Variants in SCGB2B2 observed in about 807,000 individuals in gnomAD.
SCGB2B2 encodes the protein secretoglobin family 2B member 2, also known as secretoglobin-like protein.
Under a neutral mutation model 7.6 loss-of-function variants are expected in SCGB2B2, and 11 were observed. The ratio of observed to expected loss-of-function variants is 1.45; its 90% confidence interval spans 0.91 to 2.40. The LOEUF (loss-of-function observed/expected upper bound fraction) is 2.40, where lower values mean the gene tolerates loss of function less well. Ranked by LOEUF, SCGB2B2 falls within the 30% of genes most tolerant of loss-of-function variation. The pLI is 0.00. For missense variants in SCGB2B2, 104 were observed against 115.4 expected, an observed-to-expected ratio of 0.90 and a Z score of 0.45; for synonymous variants, 50 against 48.6, an observed-to-expected ratio of 1.03 and a Z score of -0.12.
rs2065431223 is a variant in SCGB2B2, at chr19:34,595,713, C to T, written c.-1150G>A. ...TACAGGCACCCCACAAGCCCTTTTCCCAGCACCTACATATGAGGGAGCTGA... is the reference window on the plus strand; with the variant it reads ...TACAGGCACCCCACAAGCCCTTTTCTCAGCACCTACATATGAGGGAGCTGA... On this transcript the variant is annotated 5_prime_UTR_variant, in exon 2 of 4. Coordinates refer to ENST00000601241, the MANE Select transcript of SCGB2B2 (RefSeq NM_001025591.4). The T allele has an allele frequency of 6.6e-6, 1 of 152,196 alleles. No individual in the cohort carries two copies. 9.4% of individuals were successfully genotyped at this position (152,196 alleles called of 1,614,324 possible). A position where few individuals can be genotyped will look rare whatever the true frequency, so the allele number is the denominator to read the frequency against.
chr19:34,598,261 T>G (rs965648369), intron 1 of SCGB2B2, among the ~76,000 whole-genome samples: 1 of 152,026 alleles, frequency 6.6e-6, no homozygotes, highest in Admixed American at 6.5e-5. Flanking sequence ...CAGAGCAGTG[T>G]GCGGCACACT....
chr19:34,667,498 G>T (rs2067667248), intron 1 of SCGB2B2, among the ~76,000 whole-genome samples: 2 of 152,052 alleles, frequency 1.3e-5, no homozygotes, highest in African/African-American at 4.8e-5. Context: ...GTGCTAATTG[G>T]GGCTGATTGC....
downstream of SCGB2B2, among the ~76,000 whole-genome samples, chr19:34,590,381 T>TCATC (rs1016443748): frequency 3.6e-4 from 48 of 135,112 alleles, no homozygotes; most frequent in African/African-American, 1.1e-3. Context: ...ATCCATCCGT[T>TCATC]CATCCATCCA....
intron 1 of SCGB2B2, among the ~76,000 whole-genome samples, chr19:34,600,585 T>G (rs2065595193): frequency 6.6e-6 from 1 of 152,226 alleles, no homozygotes; most frequent in African/African-American, 2.4e-5. Context: ...GGTAGGTAGG[T>G]GTCAGGGGCA....
rs970170872 is a variant in SCGB2B2 at position 34,631,184 on chromosome 19, C to A, written c.-2031-34590G>T. Reference sequence around the variant, plus strand: ...ATGTTAAATGACGAGTTAACGGGTGCAGCACACCAACATGGCACATGTATA... The same window carrying A: ...ATGTTAAATGACGAGTTAACGGGTGAAGCACACCAACATGGCACATGTATA... On this transcript the variant is annotated intron_variant, in intron 1 of 3. Coordinates refer to ENST00000601241, the MANE Select transcript of SCGB2B2 (RefSeq NM_001025591.4). Among the ~76,000 whole-genome samples, 8 of 152,048 alleles carry A rather than the reference C, an allele frequency of 5.3e-5. No individual in the cohort carries two copies. The East Asian group carries it at 1.5e-3, about 29-fold the overall frequency.
intron 1 of SCGB2B2, among the ~76,000 whole-genome samples, chr19:34,660,395 G>A (rs2067419162): frequency 6.6e-6 from 1 of 152,006 alleles, no homozygotes; most frequent in African/African-American, 2.4e-5. Flanking sequence ...TCTGACAAAG[G>A]GCTAATATCC....
intron 1 of SCGB2B2, among the ~76,000 whole-genome samples, chr19:34,617,246 A>G (rs2066109220): frequency 6.6e-6 from 1 of 151,532 alleles, no homozygotes; most frequent in Non-Finnish European, 1.5e-5. Context: ...CTTGATGAGG[A>G]TGGCATTGAA....
chr19:34,621,206 CACAG>C (rs1481054429), intron 1 of SCGB2B2, among the ~76,000 whole-genome samples: 2 of 152,126 alleles, frequency 1.3e-5, no homozygotes, highest in African/African-American at 2.4e-5. Flanking sequence ...TATATGACTA[CACAG>C]ACAGAAGAAA....
chr19:34,664,429 C>T (rs1408897406), intron 1 of SCGB2B2, among the ~76,000 whole-genome samples: 1 of 152,188 alleles, frequency 6.6e-6, no homozygotes, highest in Non-Finnish European at 1.5e-5. Flanking sequence ...TGGACAGCAG[C>T]CCCAGCCCTG....
intron 1 of SCGB2B2, among the ~76,000 whole-genome samples, chr19:34,665,360 T>C (rs1426520563): frequency 6.6e-6 from 1 of 152,134 alleles, no homozygotes; most frequent in Non-Finnish European, 1.5e-5. Flanking sequence ...GAGGCTGAGG[T>C]GGCTCAAAGT....
At chr19:34,673,965 A>G (rs1258307904) in intron 1 of SCGB2B2, among the ~76,000 whole-genome samples, 1 of 152,202 alleles carries the variant, frequency 6.6e-6, no homozygotes, top group Non-Finnish European at 1.5e-5. Context: ...CTTCACAGGA[A>G]TGCTTTTTAT....
At chr19:34,586,309 G>A (rs1218940576), downstream of SCGB2B2, among the ~76,000 whole-genome samples, 1 of 152,074 alleles carries the variant, frequency 6.6e-6, no homozygotes, top group East Asian at 1.9e-4. Context: ...TATATCTGAA[G>A]TACATAATTT....
intron 1 of SCGB2B2, among the ~76,000 whole-genome samples, chr19:34,665,148 A>C (rs1239917333): frequency 2.0e-5 from 3 of 152,132 alleles, no homozygotes; most frequent in Non-Finnish European, 2.9e-5. Context: ...AATGGTGGCC[A>C]TGAGAGTGCA....
intron 1 of SCGB2B2, among the ~76,000 whole-genome samples, chr19:34,627,894 A>G (rs929608423): frequency 1.3e-5 from 2 of 152,234 alleles, no homozygotes; most frequent in Non-Finnish European, 2.9e-5. Flanking sequence ...CTGCAAATGT[A>G]AAAGAACAGA....
intron 1 of SCGB2B2, among the ~76,000 whole-genome samples, chr19:34,628,470 T>C (rs1158711721): frequency 6.6e-6 from 1 of 151,810 alleles, no homozygotes; most frequent in East Asian, 1.9e-4. Context: ...CAAACTACCA[T>C]CAGAGAATAC....
At chr19:34,645,537 CACAG>C (rs566206422) in intron 1 of SCGB2B2, 924 of 17,616 alleles carry the variant, frequency 0.052, 6 homozygotes, top group African/African-American at 0.22. Context: ...CACACACAGA[CACAG>C]ACACACACAC....
At chr19:34,629,894 G>A (rs1197064372) in intron 1 of SCGB2B2, among the ~76,000 whole-genome samples, 3 of 151,908 alleles carry the variant, frequency 2.0e-5, no homozygotes, top group African/African-American at 7.2e-5. Flanking sequence ...AAAACAGCAA[G>A]GTACTGGTAC....
chr19:34,645,159 G>A (rs1375600400), intron 1 of SCGB2B2, among the ~76,000 whole-genome samples: 2 of 152,120 alleles, frequency 1.3e-5, no homozygotes, highest in African/African-American at 4.8e-5. Flanking sequence ...TAAACGCACA[G>A]GCAAACATTC....
intron 1 of SCGB2B2, among the ~76,000 whole-genome samples, chr19:34,658,029 A>C (rs1367544545): frequency 6.6e-6 from 1 of 152,232 alleles, no homozygotes; most frequent in Non-Finnish European, 1.5e-5. Flanking sequence ...GCAAAAATAA[A>C]GATCTTCTTT....
Sources: gnomAD v4.1 joint callset for allele counts (sites outside exome capture counted in the v4.1 genomes callset) on GRCh38, gnomAD v4.1.1 for gene constraint, MANE v1.5 for transcripts, NCBI Gene and HGNC (gene_info 2026-07-23, HGNC 2026-07-21) for gene names.